The following PSG5 variants were observed in gnomAD, a reference collection of about 807,000 sequenced individuals.
PSG5 encodes the protein pregnancy-specific beta-1-glycoprotein 5.
In PSG5, 53 loss-of-function variants were observed where a neutral mutation model predicts 37.7. That is an observed-to-expected ratio of 1.41 (90% CI 1.13 to 1.77). The LOEUF (loss-of-function observed/expected upper bound fraction) is 1.77, where lower values mean the gene tolerates loss of function less well. Ranked by LOEUF, PSG5 falls within the 40% of genes most tolerant of loss-of-function variation. PSG5 has a pLI of 0.00. For missense variants in PSG5, 547 were observed against 405.2 expected (o/e 1.35, Z -3.00); for synonymous variants, 221 against 155.4 (o/e 1.42, Z -3.14).
intron 2 of PSG5, among the ~76,000 whole-genome samples, chr19:43,181,723 G>C (rs577695378): frequency 6.6e-6 from 1 of 151,788 alleles, no homozygotes; most frequent in African/African-American, 2.4e-5. Flanking sequence ...AAAGTCCTGG[G>C]ATTATAGGCA....
At chr19:43,179,617 C>T (rs1599751799) in intron 2 of PSG5, among the ~76,000 whole-genome samples, 1 of 151,684 alleles carries the variant, frequency 6.6e-6, no homozygotes, top group South Asian at 2.1e-4. Flanking sequence ...TTCCCATTGT[C>T]CTTAAACCCT....
In PSG5 at chr19:43,178,040, C is replaced by T. The variant is rs761460392; in HGVS notation, c.431-1892G>A. Among the ~76,000 whole-genome samples, 75 of 151,408 alleles carry T rather than the reference C, an allele frequency of 5.0e-4. 2 individuals are homozygous for T. The highest frequency in any genetic ancestry group is 9.7e-4 in the Non-Finnish European group (66 of 67,894). On this transcript the variant is annotated intron_variant, in intron 2 of 5. Transcript: ENST00000342951. Reference sequence around the variant, plus strand: ...CAGATTGTTCATTGTTAGTGTATAGCCTAAAGAATGATCTAGAAAGAGTGA... The same window carrying T: ...CAGATTGTTCATTGTTAGTGTATAGTCTAAAGAATGATCTAGAAAGAGTGA...
At chr19:43,180,149 A>T (rs973575933) in intron 2 of PSG5, among the ~76,000 whole-genome samples, 2 of 151,600 alleles carry the variant, frequency 1.3e-5, no homozygotes, top group Admixed American at 6.6e-5. Context: ...ACCTCATATC[A>T]GTGGATTCCA....
rs746723217 is a variant in PSG5 at position 43,176,103 on chromosome 19, C to T, written c.476G>A (p.Arg159Lys). ...GAAGGCTAAGACATCCTTATTCTCC[C>T]TGGGTTTTGAGTTGTTGATGGTGAT... ...PYITINNSKP[R>K]ENKDVLAFTC... The change falls in exon 3 of 6, where the codon AGG becomes AAG. Residue 159 changes from arginine (R) to lysine (K), a missense_variant. Coordinates refer to ENST00000342951, the MANE Select transcript of PSG5 (RefSeq NM_002781.4). 2 of 1,611,156 alleles carry T rather than the reference C, an allele frequency of 1.2e-6. No homozygotes were observed. Among genetic ancestry groups the T allele is most frequent in the Non-Finnish European group, 1.7e-6 (2 of 1,179,158 alleles).
At position 43,175,974 on chromosome 19, in the gene PSG5, A is replaced by T; in HGVS notation, c.605T>A (p.Leu202His). Residue 202 changes from leucine (L) to histidine (H), a missense_variant, in exon 3 of 6, where the codon CTC becomes CAC. By Grantham distance (99) the Leu-to-His change is moderately conservative. Coordinates refer to ENST00000342951, the MANE Select transcript of PSG5 (RefSeq NM_002781.4). ...RVKRPIENRI[L>H]ILPSVTRNET... ...ATTTCTCGTGACACTGGGTAGAATG[A>T]GGATCCTGTTTTCAATGGGTCGCTT... 8 of 1,611,840 alleles carry T rather than the reference A, an allele frequency of 5.0e-6. No homozygotes were observed. The highest frequency in any genetic ancestry group is 6.8e-6 in the Non-Finnish European group (8 of 1,179,174).
chr19:43,178,414 A>C (rs4028458), intron 2 of PSG5, among the ~76,000 whole-genome samples: 19 of 151,870 alleles, frequency 1.3e-4, no homozygotes, highest in Admixed American at 1.0e-3. Flanking sequence ...GGCAGGAGAG[A>C]TTGGGGACTT....
chr19:43,178,033 T>C (rs888508398), intron 2 of PSG5, among the ~76,000 whole-genome samples: 2 of 151,620 alleles, frequency 1.3e-5, no homozygotes, highest in African/African-American at 4.9e-5. Flanking sequence ...TCATTGTTAG[T>C]GTATAGCCTA....
chr19:43,176,585 G>A (rs1054363420), intron 2 of PSG5, among the ~76,000 whole-genome samples: 1 of 151,476 alleles, frequency 6.6e-6, no homozygotes. Context: ...ACATTCTAGA[G>A]ATGAGTAATA....
intron 2 of PSG5, among the ~76,000 whole-genome samples, chr19:43,177,687 G>C (rs1401764728): frequency 6.6e-5 from 10 of 151,554 alleles, no homozygotes; most frequent in African/African-American, 1.7e-4. Flanking sequence ...CTCAGTGTTT[G>C]TGTTGTGGCA....
At chr19:43,170,915 C>T (rs887765449) in intron 4 of PSG5, 13 of 151,406 alleles carry the variant, frequency 8.6e-5, no homozygotes, top group African/African-American at 3.2e-4. Flanking sequence ...ATTCTTTGCA[C>T]TTAGCTTTTT....
intron 4 of PSG5, among the ~76,000 whole-genome samples, chr19:43,171,994 A>AG (rs1968916180): frequency 6.6e-6 from 1 of 150,454 alleles, no homozygotes; most frequent in South Asian, 2.1e-4. Context: ...AAAAAAAAAA[A>AG]AAAAGAAAAA....
intron 2 of PSG5, among the ~76,000 whole-genome samples, chr19:43,182,948 G>A (rs548781392): frequency 6.7e-6 from 1 of 149,966 alleles, no homozygotes; most frequent in African/African-American, 2.5e-5. Flanking sequence ...TATTTCCTGG[G>A]AGGTGGGCCA....
Position 43,175,381 on chromosome 19 carries a change from G to T in PSG5, c.798C>A (p.Asn266Lys). The change falls in exon 4 of 6, where the codon AAC becomes AAA. Residue 266 changes from asparagine to lysine, a missense_variant. Transcript: ENST00000342951. Reference sequence around the variant, plus strand: ...TTGTCCAAAAATACTCTGCCGGTGGGTTAGATTCCGCGAAGCAGGACAAGT... The same window carrying T: ...TTGTCCAAAAATACTCTGCCGGTGGTTTAGATTCCGCGAAGCAGGACAAGT... ...NLYLSCFAES[N>K]PPAEYFWTIN... The T allele has an allele frequency of 1.9e-6, 3 of 1,612,854 alleles. No individual in the cohort carries two copies. The highest frequency in any genetic ancestry group is 2.5e-6 in the Non-Finnish European group (3 of 1,179,278).
At chr19:43,185,807 A>G (rs1402016918) in intron 1 of PSG5, among the ~76,000 whole-genome samples, 2 of 147,038 alleles carry the variant, frequency 1.4e-5, no homozygotes, top group Non-Finnish European at 3.0e-5. Flanking sequence ...TACTTTTATT[A>G]GAAGTGTCAT....
In PSG5 at chr19:43,167,827, C is replaced by T. The variant is rs12463205; in HGVS notation, c.*417G>A. 0.21 allele frequency: 55,992 copies of T among 267,564 alleles called. 7,765 individuals carry two copies. The highest frequency in any genetic ancestry group is 0.59 in the East Asian group (9,426 of 16,094). The allele number at this position is 267,564 out of a possible 1,614,324, so 16.6% of individuals were successfully genotyped here. On this transcript the variant is annotated 3_prime_UTR_variant, in exon 6 of 6. Coordinates refer to ENST00000342951, the MANE Select transcript of PSG5 (RefSeq NM_002781.4). ...AATTCTGGGGCACTCAGATAGAGAG[C>T]AAAAGCAAATGTTTCAATTTTTGTT...
rs990800093 is a variant in PSG5 at position 43,173,315 on chromosome 19, T to C, written c.964+1900A>G. Reference sequence around the variant, plus strand: ...GGATTTCACAATGATTTCTTGGTTGTAACAACAAAAGCATAGGCAACAAAT... The same window carrying C: ...GGATTTCACAATGATTTCTTGGTTGCAACAACAAAAGCATAGGCAACAAAT... On this transcript the variant is annotated intron_variant, in intron 4 of 5. Transcript: ENST00000342951. Among the ~76,000 whole-genome samples the C allele has an allele frequency of 2.0e-5, 3 of 151,678 alleles. No homozygotes were observed. The East Asian group carries it at 5.8e-4, about 29-fold the overall frequency.
intron 4 of PSG5, among the ~76,000 whole-genome samples, chr19:43,173,945 G>C (rs4803579): frequency 0.68 from 102,452 of 151,296 alleles, 36,023 homozygotes; most frequent in East Asian, 0.99. Context: ...TCACACTAGC[G>C]AAAAAATGGA....
rs371840534 is a variant in PSG5 at position 43,183,391 on chromosome 19, A to G, written c.430+1391T>C. On this transcript the variant is annotated intron_variant, in intron 2 of 5. Transcript: ENST00000342951. The stretch of plus-strand genomic sequence containing the variant: ...TCTCTAAAGAGGTTTTGGATCATTC[A>G]TTTCTTCATTCCATTCCTTCATTTG... The G allele has an allele frequency of 7.8e-5, 41 of 525,852 alleles. 1 individual carries two copies. Among genetic ancestry groups the G allele is most frequent in the African/African-American group, 6.6e-4 (34 of 51,410 alleles). The allele number at this position is 525,852 out of a possible 1,614,324, so 32.6% of individuals were successfully genotyped here. A position where few individuals can be genotyped will look rare whatever the true frequency, so the allele number is the denominator to read the frequency against.
chr19:43,179,129 A>G (rs7253651), intron 2 of PSG5: 378,934 of 1,599,698 alleles, frequency 0.24, 53,342 homozygotes, highest in Non-Finnish European at 0.27. Context: ...TTAAGTTGCT[A>G]CTGGAGATGG....
Sources: allele counts gnomAD v4.1 joint callset (sites outside exome capture counted in the v4.1 genomes callset), GRCh38; gene constraint gnomAD v4.1.1; transcripts MANE v1.5; gene names NCBI Gene and HGNC (gene_info 2026-07-23, HGNC 2026-07-21).